The following LRRC4C variants were observed in gnomAD, a reference collection of about 807,000 sequenced individuals.
The protein encoded by LRRC4C is leucine-rich repeat-containing protein 4C.
LRRC4C carries 5 observed loss-of-function variants against 33.6 expected under a neutral mutation model. The observed-to-expected ratio is 0.15, with a 90% CI of 0.08 to 0.31. The LOEUF (loss-of-function observed/expected upper bound fraction) is 0.31. LRRC4C is among the 10% of genes least tolerant of loss of function. The pLI is 1.00. For synonymous variants in LRRC4C, 329 were observed against 302.0 expected (o/e 1.09, Z -0.93); for missense variants, 560 against 796.7 (o/e 0.70, Z 3.58).
At chr11:41,009,075 C>A (rs1318108815) in intron 1 of LRRC4C, among the ~76,000 whole-genome samples, 1 of 151,754 alleles carries the variant, frequency 6.6e-6, no homozygotes, top group Non-Finnish European at 1.5e-5. Flanking sequence ...AATGGTATAG[C>A]CAAATAGCAA....
intron 4 of LRRC4C, among the ~76,000 whole-genome samples, chr11:40,307,002 G>C (rs55826169): frequency 7.5e-4 from 4 of 5,336 alleles, no homozygotes; most frequent in South Asian, 0.015. Flanking sequence ...ATGTATCTAT[G>C]TATCTATCTA....
chr11:41,338,592 T>C (rs1323349196), intron 1 of LRRC4C, among the ~76,000 whole-genome samples: 1 of 151,908 alleles, frequency 6.6e-6, no homozygotes, highest in African/African-American at 2.4e-5. Flanking sequence ...ACACATATGG[T>C]GCTTAAAATC....
chr11:41,396,926 A>G (rs889326562), intron 1 of LRRC4C, among the ~76,000 whole-genome samples: 1 of 152,072 alleles, frequency 6.6e-6, no homozygotes, highest in Non-Finnish European at 1.5e-5. Flanking sequence ...GTGAGAGAAA[A>G]TTTTTGCAAA....
In LRRC4C at chr11:40,314,812, C is replaced by G. The variant is rs571823453; in HGVS notation, c.-176+4816G>C. On this transcript the variant is annotated intron_variant, in intron 4 of 6. Transcript: ENST00000528697. ...TAAGCCAGGAATGGAAAGTTAAATACCACATGTTCTCACTCAAATGTAGAA... is the reference window on the plus strand; with the variant it reads ...TAAGCCAGGAATGGAAAGTTAAATAGCACATGTTCTCACTCAAATGTAGAA... 6.1e-4 allele frequency among the ~76,000 whole-genome samples: 92 copies of G among 152,054 alleles called. 1 individual carries two copies. Among genetic ancestry groups the G allele is most frequent in the African/African-American group, 2.1e-3 (89 of 41,416 alleles).
intron 1 of LRRC4C, among the ~76,000 whole-genome samples, chr11:41,239,453 A>G (rs1367047502): frequency 6.6e-6 from 1 of 151,830 alleles, no homozygotes; most frequent in African/African-American, 2.4e-5. Flanking sequence ...AATTTCATAC[A>G]CACACTGCTG....
At chr11:41,250,357 A>C (rs1057401819) in intron 1 of LRRC4C, among the ~76,000 whole-genome samples, 3 of 152,188 alleles carry the variant, frequency 2.0e-5, no homozygotes, top group African/African-American at 7.2e-5. Flanking sequence ...GAGTTTCTTG[A>C]CTTTCAAAAT....
At chr11:41,201,246 C>T (rs953208556) in intron 1 of LRRC4C, among the ~76,000 whole-genome samples, 10 of 152,140 alleles carry the variant, frequency 6.6e-5, no homozygotes, top group Admixed American at 1.3e-4. Flanking sequence ...GTGCAGTGTA[C>T]GAGTCTCTAT....
intron 3 of LRRC4C, among the ~76,000 whole-genome samples, chr11:40,513,248 C>CAAAAA (rs1171178910): frequency 0.01 from 525 of 50,678 alleles, 5 homozygotes; most frequent in African/African-American, 0.021. Context: ...GACTCCGTCT[C>CAAAAA]AAAAAAAAAA....
intron 1 of LRRC4C, among the ~76,000 whole-genome samples, chr11:41,192,398 TACACAC>T (rs148065178): frequency 0.18 from 25,698 of 145,756 alleles, 2,793 homozygotes; most frequent in East Asian, 0.39. Flanking sequence ...AAGAAGATCA[TACACAC>T]ACACACACAC....
rs61887986 is a variant in LRRC4C at position 40,749,760 on chromosome 11, A to G, written c.-406-101482T>C. 2.8e-3 allele frequency among the ~76,000 whole-genome samples: 431 copies of G among 152,200 alleles called. 3 individuals are homozygous for G. Among genetic ancestry groups the G allele is most frequent in the Middle Eastern group, 0.017 (5 of 294 alleles). Reference sequence around the variant, plus strand: ...ACCACAAAGAGAGAAGACCCAAATAAACAAAACCAGAAATGAAACATCACA... The same window carrying G: ...ACCACAAAGAGAGAAGACCCAAATAGACAAAACCAGAAATGAAACATCACA... On this transcript the variant is annotated intron_variant, in intron 2 of 6. Coordinates refer to ENST00000528697, the MANE Select transcript of LRRC4C (RefSeq NM_001258419.2).
At chr11:41,102,409 C>T (rs144643022) in intron 1 of LRRC4C, among the ~76,000 whole-genome samples, 1 of 152,076 alleles carries the variant, frequency 6.6e-6, no homozygotes, top group African/African-American at 2.4e-5. Flanking sequence ...AAGTAGTTTC[C>T]ACTGAGGTGT....
chr11:40,392,856 T>C (rs1949390323), intron 3 of LRRC4C, among the ~76,000 whole-genome samples: 1 of 151,990 alleles, frequency 6.6e-6, no homozygotes, highest in South Asian at 2.1e-4. Context: ...CCCAGAACAA[T>C]AAATATTTGC....
intron 3 of LRRC4C, among the ~76,000 whole-genome samples, chr11:40,554,552 A>G (rs1957255329): frequency 6.6e-6 from 1 of 152,126 alleles, no homozygotes; most frequent in African/African-American, 2.4e-5. Context: ...TGCTTTGGGC[A>G]GTATGGCCAT....
intron 2 of LRRC4C, among the ~76,000 whole-genome samples, chr11:40,896,484 TTAAA>T (rs112994381): frequency 2.6e-5 from 4 of 152,260 alleles, no homozygotes; most frequent in African/African-American, 9.6e-5. Context: ...TTTACAAATC[TTAAA>T]TAACTTGAGA....
chr11:40,929,538 A>C (rs2136447703), intron 2 of LRRC4C, among the ~76,000 whole-genome samples: 1 of 152,342 alleles, frequency 6.6e-6, no homozygotes, highest in East Asian at 1.9e-4. Flanking sequence ...CTTCAGTGCT[A>C]TCCGTCCATA....
At chr11:40,672,852 G>A (rs1944198830) in intron 2 of LRRC4C, among the ~76,000 whole-genome samples, 1 of 152,118 alleles carries the variant, frequency 6.6e-6, no homozygotes, top group African/African-American at 2.4e-5. Context: ...TAGCACTTAA[G>A]AGGGTAAAGA....
intron 1 of LRRC4C, among the ~76,000 whole-genome samples, chr11:40,936,115 T>A (rs1239461683): frequency 1.4e-5 from 2 of 139,282 alleles, no homozygotes; most frequent in Non-Finnish European, 3.1e-5. Context: ...TGTATTGCAA[T>A]GTAACTGAGC....
intron 3 of LRRC4C, among the ~76,000 whole-genome samples, chr11:40,469,552 G>C (rs1396355988): frequency 6.6e-6 from 1 of 152,140 alleles, no homozygotes; most frequent in Non-Finnish European, 1.5e-5. Flanking sequence ...CCCCTGGAAA[G>C]GGGGCTGAAG....
chr11:41,332,545 G>C (rs1951327979), intron 1 of LRRC4C, among the ~76,000 whole-genome samples: 1 of 152,040 alleles, frequency 6.6e-6, no homozygotes, highest in Non-Finnish European at 1.5e-5. Context: ...GATACCGTTT[G>C]GAATGTTCAG....
Sources: allele counts gnomAD v4.1 joint callset (sites outside exome capture counted in the v4.1 genomes callset), GRCh38; gene constraint gnomAD v4.1.1; transcripts MANE v1.5; gene names NCBI Gene and HGNC (gene_info 2026-07-23, HGNC 2026-07-21).